RGS21: variants seen among roughly 807,000 people sequenced by gnomAD.
RGS21 encodes regulator of G-protein signalling 21.
RGS21 carries 19 observed loss-of-function variants against 18.7 expected under a neutral mutation model. The observed-to-expected ratio is 1.01, with a 90% confidence interval of 0.71 to 1.49. The LOEUF is 1.49. RGS21 is among the 40% of genes most tolerant of loss of function. The pLI is 0.00. For synonymous variants in RGS21, 56 were observed against 57.8 expected, an observed-to-expected ratio of 0.97 and a Z score of 0.14; for missense variants, 194 against 176.8, an observed-to-expected ratio of 1.10 and a Z score of -0.55.
chr1:192,336,179 G>T (rs1276034030), intron 1 of RGS21, among the ~76,000 whole-genome samples: 1 of 152,192 alleles, frequency 6.6e-6, no homozygotes, highest in Non-Finnish European at 1.5e-5. Context: ...CTCAGGCCGG[G>T]CACAGTGGCT....
intron 1 of RGS21, among the ~76,000 whole-genome samples, chr1:192,326,778 C>T (rs1481643848): frequency 6.6e-6 from 1 of 152,132 alleles, no homozygotes; most frequent in African/African-American, 2.4e-5. Context: ...TTGGAAGTAG[C>T]ATCTTTATGT....
chr1:192,345,566 A>G (rs1385969997), intron 2 of RGS21, among the ~76,000 whole-genome samples: 1 of 152,102 alleles, frequency 6.6e-6, no homozygotes, highest in Non-Finnish European at 1.5e-5. Flanking sequence ...TCCTGTCATC[A>G]GATGACTTAC....
chr1:192,326,431 A>C (rs1412954228), intron 1 of RGS21, among the ~76,000 whole-genome samples: 1 of 152,122 alleles, frequency 6.6e-6, no homozygotes, highest in Non-Finnish European at 1.5e-5. Flanking sequence ...CCTAAAAAAT[A>C]TGGTTAATAA....
At chr1:192,317,867 T>C (rs1658441688) in intron 1 of RGS21, among the ~76,000 whole-genome samples, 1 of 151,998 alleles carries the variant, frequency 6.6e-6, no homozygotes, top group Admixed American at 6.6e-5. Context: ...TTAAAATTAG[T>C]TTATATAATT....
chr1:192,322,317 A>T (rs1252702666), intron 1 of RGS21, among the ~76,000 whole-genome samples: 1 of 152,116 alleles, frequency 6.6e-6, no homozygotes, highest in East Asian at 1.9e-4. Context: ...AATTGTTCCA[A>T]ACCTCAGAAT....
intron 4 of RGS21, among the ~76,000 whole-genome samples, chr1:192,357,389 G>C (rs1659125864): frequency 1.3e-5 from 2 of 151,758 alleles, no homozygotes; most frequent in African/African-American, 4.8e-5. Flanking sequence ...CCTTCTTAAA[G>C]AGCTCTCCTT....
chr1:192,323,150 T>G (rs757577291), intron 1 of RGS21, among the ~76,000 whole-genome samples: 30 of 152,154 alleles, frequency 2.0e-4, no homozygotes, highest in Non-Finnish European at 3.2e-4. Context: ...AGATACAGTG[T>G]TAGTTTTGCA....
chr1:192,322,288 C>A (rs1658508871), intron 1 of RGS21, among the ~76,000 whole-genome samples: 1 of 152,030 alleles, frequency 6.6e-6, no homozygotes, highest in South Asian at 2.1e-4. Context: ...TGGAAAGGAT[C>A]AATCTAATCA....
At chr1:192,338,600 C>T (rs1658806092) in intron 1 of RGS21, among the ~76,000 whole-genome samples, 1 of 152,090 alleles carries the variant, frequency 6.6e-6, no homozygotes, top group South Asian at 2.1e-4. Context: ...CCTCATTCTC[C>T]TTAACCTCTC....
rs1212116589 is a variant in RGS21 at position 192,347,360 on chromosome 1, A to C, written c.59A>C (p.Glu20Ala). ...SPTAETMTWS[E>A]NMDTLLANQA... ...ACTGCGGAAACAATGACATGGTCTG[A>C]AAATATGGACACGCTTTTAGCCAAC... Residue 20 changes from glutamate (E) to alanine (A), a missense_variant, in exon 3 of 5, where the codon GAA (glutamate) becomes GCA (alanine). By Grantham distance (107) the Glu-to-Ala change is moderately radical. Transcript: ENST00000417209. 1.2e-6 allele frequency: 2 copies of C among 1,605,882 alleles called. No homozygotes were observed. Among genetic ancestry groups the C allele is most frequent in the Admixed American group, 1.7e-5 (1 of 59,968 alleles).
intron 1 of RGS21, among the ~76,000 whole-genome samples, chr1:192,334,369 T>C (rs1348014556): frequency 1.3e-5 from 2 of 152,178 alleles, no homozygotes; most frequent in African/African-American, 2.4e-5. Flanking sequence ...TGAAGTATTT[T>C]CTACTAACAT....
intron 1 of RGS21, among the ~76,000 whole-genome samples, chr1:192,324,743 A>G (rs1658543267): frequency 3.3e-5 from 5 of 152,064 alleles, no homozygotes; most frequent in Admixed American, 2.6e-4. Context: ...CATTTGCTTT[A>G]TTCATATTTA....
chr1:192,320,955 A>G (rs1488414711), intron 1 of RGS21, among the ~76,000 whole-genome samples: 1 of 151,968 alleles, frequency 6.6e-6, no homozygotes, highest in Non-Finnish European at 1.5e-5. Context: ...AAACCTTGCA[A>G]TTAGCATATT....
At chr1:192,328,858 C>CT (rs759843003) in intron 1 of RGS21, among the ~76,000 whole-genome samples, 18 of 151,938 alleles carry the variant, frequency 1.2e-4, no homozygotes, top group Admixed American at 4.6e-4. Context: ...CAGGTGATAG[C>CT]TGTTATGTAC....
chr1:192,324,648 TCACACACACACATAATTATAAAACA>T (rs1658541918), intron 1 of RGS21, among the ~76,000 whole-genome samples: 1 of 151,210 alleles, frequency 6.6e-6, no homozygotes, highest in Non-Finnish European at 1.5e-5. Flanking sequence ...ATTTTGGCAT[TCACACACACACATAATTATAAAACA>T]CACACACACA....
At chr1:192,329,909 A>G (rs1210911352) in intron 1 of RGS21, among the ~76,000 whole-genome samples, 1 of 152,212 alleles carries the variant, frequency 6.6e-6, no homozygotes, top group African/African-American at 2.4e-5. Flanking sequence ...GATAAATTTC[A>G]TCTTTTATAC....
intron 1 of RGS21, among the ~76,000 whole-genome samples, chr1:192,321,617 T>C (rs1392721350): frequency 6.6e-6 from 1 of 152,054 alleles, no homozygotes; most frequent in Admixed American, 6.6e-5. Context: ...ATTGATTTTA[T>C]TTTAATGCCA....
intron 1 of RGS21, among the ~76,000 whole-genome samples, chr1:192,341,217 G>T (rs1048530666): frequency 1.3e-5 from 2 of 151,804 alleles, no homozygotes; most frequent in Non-Finnish European, 2.9e-5. Flanking sequence ...CCTCTTAAAA[G>T]GTCCCTTATA....
chr1:192,318,154 C>A (rs1048756600), intron 1 of RGS21, among the ~76,000 whole-genome samples: 5 of 151,902 alleles, frequency 3.3e-5, no homozygotes, highest in Non-Finnish European at 7.4e-5. Context: ...TATTTTTAGA[C>A]AATGTCAAAA....
Sources: allele counts gnomAD v4.1 joint callset (sites outside exome capture counted in the v4.1 genomes callset), GRCh38; gene constraint gnomAD v4.1.1; transcripts MANE v1.5; gene names NCBI Gene and HGNC (gene_info 2026-07-23, HGNC 2026-07-21).